The following RMDN2 variants were observed in gnomAD, a reference collection of about 807,000 sequenced individuals.
RMDN2 encodes the protein regulator of microtubule dynamics protein 2.
RMDN2 carries 61 observed loss-of-function variants against 52.8 expected under a neutral mutation model. The observed-to-expected ratio is 1.16, with a 90% confidence interval of 0.94 to 1.43. The LOEUF (loss-of-function observed/expected upper bound fraction) is 1.43, where lower values mean the gene tolerates loss of function less well. Among genes scored for constraint, RMDN2 ranks in the 40% most tolerant of loss-of-function variants. The pLI is 0.00. For missense variants in RMDN2, 592 were observed against 475.3 expected (o/e 1.25, Z -2.28); for synonymous variants, 180 against 153.1 (o/e 1.18, Z -1.30).
chr2:37,944,395 C>G (rs1235990452), intron 2 of RMDN2, among the ~76,000 whole-genome samples: 4 of 151,750 alleles, frequency 2.6e-5, no homozygotes, highest in Non-Finnish European at 5.9e-5. Flanking sequence ...CAAAACTCTG[C>G]CATTGTAGTG....
At chr2:37,969,994 A>G (rs1281690699) in intron 2 of RMDN2, among the ~76,000 whole-genome samples, 1 of 151,384 alleles carries the variant, frequency 6.6e-6, no homozygotes, top group African/African-American at 2.4e-5. Context: ...GTGCAGTGGC[A>G]CAATCATAGC....
At chr2:37,956,630 G>A (rs1013880019) in intron 2 of RMDN2, among the ~76,000 whole-genome samples, 4 of 151,150 alleles carry the variant, frequency 2.6e-5, no homozygotes, top group Non-Finnish European at 4.4e-5. Context: ...TTGTTGATTC[G>A]GGACATTACC....
intron 10 of RMDN2, among the ~76,000 whole-genome samples, chr2:38,015,190 GGCTTAGT>G (rs1678578073): frequency 6.6e-6 from 1 of 152,144 alleles, no homozygotes; most frequent in Admixed American, 6.5e-5. Flanking sequence ...CTGCCCTTCT[GGCTTAGT>G]GCTCAGATGG....
At position 37,997,488 on chromosome 2, in the gene RMDN2, C is replaced by T. The variant is rs1357073662; in HGVS notation, c.1018C>T (p.Gln340Ter). 1 of 1,612,354 alleles carries T rather than the reference C, an allele frequency of 6.2e-7. No homozygotes were observed. Among genetic ancestry groups the T allele is most frequent in the South Asian group, 1.1e-5 (1 of 91,030 alleles). ...TGGAAAAATACCATCTTCAACTGTA[C>T]AAGAAGCTTTACACAATTTCCTTAA... Reference protein sequence around the residue: ...LFGKIPSSTVQEALHNFLKAE... With the variant: ...LFGKIPSSTV Residue 340 changes from glutamine to a stop codon, truncating the protein, a stop_gained, in exon 8 of 11, where the codon CAA (glutamine) becomes TAA (stop). Coordinates refer to ENST00000354545, the MANE Select transcript of RMDN2 (RefSeq NM_001170791.3). LOFTEE classifies it high-confidence loss of function.
Position 37,929,600 on chromosome 2 carries a change from A to G in RMDN2, c.323A>G (p.Gln108Arg), listed in dbSNP as rs1666556808. Residue 108 changes from glutamine to arginine, a missense_variant, in exon 2 of 11, where the codon CAA (glutamine) becomes CGA (arginine). Physicochemically the swap from Gln to Arg is conservative, Grantham distance 43. Transcript: ENST00000354545. ...ATTCCAAAGCTGGAGGAATATATACAAGATGAACTTGGAGGGAAAATAACT... is the reference window on the plus strand; with the variant it reads ...ATTCCAAAGCTGGAGGAATATATACGAGATGAACTTGGAGGGAAAATAACT... ...EAIPKLEEYI[Q>R]DELGGKITVH... The G allele has an allele frequency of 1.9e-6, 3 of 1,551,702 alleles. No homozygotes were observed. In the Admixed American group the frequency reaches 5.9e-5, roughly 30 times the overall value.
intron 2 of RMDN2, among the ~76,000 whole-genome samples, chr2:37,948,562 A>T (rs930490071): frequency 1.2e-4 from 18 of 152,176 alleles, no homozygotes; most frequent in African/African-American, 4.1e-4. Context: ...TGTCATTATA[A>T]GGGGTTACTA....
chr2:37,958,547 T>C (rs1270286156), intron 2 of RMDN2, among the ~76,000 whole-genome samples: 1 of 150,972 alleles, frequency 6.6e-6, no homozygotes, highest in Non-Finnish European at 1.5e-5. Context: ...GCTGAGATGA[T>C]AGGGTTTTCT....
At chr2:37,991,786 C>T (rs1674831926) in intron 7 of RMDN2, among the ~76,000 whole-genome samples, 1 of 152,144 alleles carries the variant, frequency 6.6e-6, no homozygotes, top group South Asian at 2.1e-4. Flanking sequence ...ATGAATAAAA[C>T]ACTCCTTGCT....
At chr2:37,948,673 T>C (rs1668431814) in intron 2 of RMDN2, among the ~76,000 whole-genome samples, 1 of 152,210 alleles carries the variant, frequency 6.6e-6, no homozygotes, top group Admixed American at 6.5e-5. Flanking sequence ...CCTAGAACGA[T>C]ATTAATCAGC....
intron 2 of RMDN2, among the ~76,000 whole-genome samples, chr2:37,942,898 GC>G (rs1156325323): frequency 5.9e-5 from 9 of 152,196 alleles, no homozygotes; most frequent in African/African-American, 2.2e-4. Flanking sequence ...AAAGAGTGAT[GC>G]TTTTGGCCTT....
At chr2:37,952,062 T>C (rs1365320855) in intron 2 of RMDN2, 2 of 1,613,366 alleles carry the variant, frequency 1.2e-6, no homozygotes, top group South Asian at 1.1e-5. Flanking sequence ...TAAAGCTGGA[T>C]TTTCTTCATC....
chr2:38,014,004 C>G (rs552998927), intron 10 of RMDN2, among the ~76,000 whole-genome samples: 1 of 151,814 alleles, frequency 6.6e-6, no homozygotes, highest in Non-Finnish European at 1.5e-5. Flanking sequence ...GTCGGGAGTT[C>G]GAGACCAGCC....
chr2:37,932,706 C>T (rs1252910703), intron 2 of RMDN2, among the ~76,000 whole-genome samples: 1 of 149,268 alleles, frequency 6.7e-6, no homozygotes, highest in Non-Finnish European at 1.5e-5. Flanking sequence ...CCCCACCTCC[C>T]TCCCGGACGG....
chr2:37,952,648 A>G (rs1668981432), intron 2 of RMDN2: 1 of 182,662 alleles, frequency 5.5e-6, no homozygotes, highest in Non-Finnish European at 1.1e-5. Context: ...CAATTCACAC[A>G]TTTTCATATA....
At chr2:37,938,814 GTCTA>G (rs1160296804) in intron 2 of RMDN2, among the ~76,000 whole-genome samples, 2 of 151,980 alleles carry the variant, frequency 1.3e-5, no homozygotes, top group African/African-American at 4.8e-5. Context: ...CTGGCTAGCG[GTCTA>G]TCTATTTTGT....
At chr2:37,984,855 A>T (rs1673790252) in intron 5 of RMDN2, among the ~76,000 whole-genome samples, 1 of 150,536 alleles carries the variant, frequency 6.6e-6, no homozygotes, top group Non-Finnish European at 1.5e-5. Flanking sequence ...AGAAAAAAAA[A>T]TAAAATTAAG....
At chr2:37,964,064 G>A (rs373709067) in intron 2 of RMDN2, among the ~76,000 whole-genome samples, 23 of 149,334 alleles carry the variant, frequency 1.5e-4, no homozygotes, top group Middle Eastern at 3.2e-3. Flanking sequence ...CGGACGTGGC[G>A]GCTGCCGGGC....
chr2:38,023,182 C>T (rs1440981564), intron 10 of RMDN2, among the ~76,000 whole-genome samples: 1 of 152,206 alleles, frequency 6.6e-6, no homozygotes, highest in Non-Finnish European at 1.5e-5. Flanking sequence ...ATTTCCATGC[C>T]TAACACCATG....
chr2:37,936,393 C>T (rs984188578), intron 2 of RMDN2, among the ~76,000 whole-genome samples: 3 of 152,142 alleles, frequency 2.0e-5, no homozygotes, highest in Non-Finnish European at 4.4e-5. Flanking sequence ...CTTTATGATC[C>T]TTTGGGTATA....
Sources: gnomAD v4.1 joint callset for allele counts (sites outside exome capture counted in the v4.1 genomes callset) on GRCh38, gnomAD v4.1.1 for gene constraint, MANE v1.5 for transcripts, NCBI Gene and HGNC (gene_info 2026-07-23, HGNC 2026-07-21) for gene names.